Variants in PRKG1 observed in about 807,000 individuals in gnomAD.
PRKG1 encodes the protein cGMP-dependent protein kinase 1.
In PRKG1, 35 loss-of-function variants were observed where a neutral mutation model predicts 88.1. That is an observed-to-expected ratio of 0.40 (90% confidence interval 0.30 to 0.53). PRKG1 has a LOEUF of 0.53. Ranked by LOEUF, PRKG1 falls within the 20% of genes least tolerant of loss-of-function variation. PRKG1 has a pLI of 0.59. For synonymous variants in PRKG1, 303 were observed against 292.5 expected, an observed-to-expected ratio of 1.04 and a Z score of -0.37; for missense variants, 540 against 839.8, an observed-to-expected ratio of 0.64 and a Z score of 4.41.
chr10:51,661,208 T>C (rs556229051), intron 3 of PRKG1, among the ~76,000 whole-genome samples: 1 of 152,134 alleles, frequency 6.6e-6, no homozygotes, highest in Non-Finnish European at 1.5e-5. Context: ...CAAGGATGGA[T>C]AGCAAGATGA....
At chr10:51,656,242 C>T (rs1486269340) in intron 3 of PRKG1, among the ~76,000 whole-genome samples, 2 of 152,094 alleles carry the variant, frequency 1.3e-5, no homozygotes, top group African/African-American at 4.8e-5. Context: ...TACCAAAATA[C>T]AGTTGTATGA....
intron 9 of PRKG1, among the ~76,000 whole-genome samples, chr10:52,166,333 A>T (rs1298420575): frequency 6.6e-6 from 1 of 151,934 alleles, no homozygotes; most frequent in East Asian, 1.9e-4. Context: ...CTTACAGTTC[A>T]GTAGGGAAGC....
intron 2 of PRKG1, among the ~76,000 whole-genome samples, chr10:51,231,901 A>C (rs1224566136): frequency 6.6e-6 from 1 of 152,184 alleles, no homozygotes; most frequent in African/African-American, 2.4e-5. Flanking sequence ...AGGTTTTCAC[A>C]CTGTTTAACA....
At chr10:51,708,301 C>G (rs1224046234) in intron 3 of PRKG1, among the ~76,000 whole-genome samples, 1 of 152,098 alleles carries the variant, frequency 6.6e-6, no homozygotes, top group Non-Finnish European at 1.5e-5. Flanking sequence ...GGGGTCCACA[C>G]GTATGACCTC....
At chr10:52,009,667 A>C (rs1387951942) in intron 5 of PRKG1, among the ~76,000 whole-genome samples, 1 of 152,212 alleles carries the variant, frequency 6.6e-6, no homozygotes, top group African/African-American at 2.4e-5. Context: ...GAATTAGAAA[A>C]ACTATTTTAA....
chr10:52,062,650 A>G lies in PRKG1; in HGVS notation c.935+19A>G. The G allele has an allele frequency of 6.4e-7, 1 of 1,555,130 alleles. No individual in the cohort carries two copies. Among genetic ancestry groups the G allele is most frequent in the Non-Finnish European group, 8.8e-7 (1 of 1,139,710 alleles). On this transcript the variant is annotated intron_variant, in intron 7 of 17. Coordinates refer to ENST00000373980, the MANE Select transcript of PRKG1 (RefSeq NM_006258.4). ...TGCAGGGGTAAGTAGATCATGTGTT[A>G]TACAGGTTTTTGTTTGAGTGCTACA...
chr10:52,265,963 G>A (rs1333865340), intron 10 of PRKG1, among the ~76,000 whole-genome samples: 1 of 151,940 alleles, frequency 6.6e-6, no homozygotes, highest in Non-Finnish European at 1.5e-5. Flanking sequence ...TGAAGATCTT[G>A]AGTATTGAAA....
At chr10:51,413,914 C>T (rs1210627560) in intron 2 of PRKG1, among the ~76,000 whole-genome samples, 2 of 152,084 alleles carry the variant, frequency 1.3e-5, no homozygotes, top group Non-Finnish European at 2.9e-5. Context: ...CAAACCCTTC[C>T]ACAAAGGGAC....
chr10:52,200,743 G>A (rs899335640), intron 9 of PRKG1, among the ~76,000 whole-genome samples: 2 of 152,098 alleles, frequency 1.3e-5, no homozygotes, highest in Non-Finnish European at 2.9e-5. Context: ...TTTAGTAATA[G>A]CCATTCTGAC....
intron 8 of PRKG1, among the ~76,000 whole-genome samples, chr10:52,150,161 T>TATAAC (rs1564490897): frequency 1.1e-5 from 1 of 89,162 alleles, no homozygotes; most frequent in Non-Finnish European, 2.8e-5. Flanking sequence ...ATAATAATAA[T>TATAAC]AATAATAATA....
chr10:51,044,191 T>C (rs1843459500), intron 1 of PRKG1, among the ~76,000 whole-genome samples: 2 of 152,166 alleles, frequency 1.3e-5, no homozygotes, highest in South Asian at 4.1e-4. Flanking sequence ...TTTTTTTCCG[T>C]AGTTCTGGAT....
intron 1 of PRKG1, among the ~76,000 whole-genome samples, chr10:51,036,241 C>A (rs569830378): frequency 6.6e-6 from 1 of 152,212 alleles, no homozygotes; most frequent in Non-Finnish European, 1.5e-5. Context: ...AAAAAAGAGA[C>A]CCTATGTATT....
At chr10:52,197,642 C>T in intron 9 of PRKG1, among the ~76,000 whole-genome samples, 1 of 152,236 alleles carries the variant, frequency 6.6e-6, no homozygotes, top group Non-Finnish European at 1.5e-5. Context: ...CGAATAGCAG[C>T]GTGGTCACAC....
At chr10:51,916,705 CA>C (rs1317409383) in intron 5 of PRKG1, among the ~76,000 whole-genome samples, 1 of 152,130 alleles carries the variant, frequency 6.6e-6, no homozygotes, top group Non-Finnish European at 1.5e-5. Flanking sequence ...CATGTCTATA[CA>C]AAAACTTACA....
chr10:51,067,270 G>GTATATATATATATATATA (rs10612353), intron 1 of PRKG1, among the ~76,000 whole-genome samples: 17 of 146,710 alleles, frequency 1.2e-4, no homozygotes, highest in African/African-American at 4.2e-4. Flanking sequence ...ATGTATGTGT[G>GTATATATATATATATATA]TATATATATA....
intron 3 of PRKG1, among the ~76,000 whole-genome samples, chr10:51,572,550 A>G (rs1381358544): frequency 1.3e-5 from 2 of 151,900 alleles, no homozygotes; most frequent in Non-Finnish European, 2.9e-5. Context: ...CACACAATGG[A>G]TTAATTCAGT....
intron 3 of PRKG1, among the ~76,000 whole-genome samples, chr10:51,705,657 TATATA>T (rs1049108401): frequency 1.2e-4 from 19 of 152,330 alleles, no homozygotes; most frequent in African/African-American, 4.6e-4. Flanking sequence ...ATAAATGCTT[TATATA>T]ATATAATATT....
At chr10:51,897,772 C>A (rs574074909) in intron 4 of PRKG1, among the ~76,000 whole-genome samples, 4 of 152,116 alleles carry the variant, frequency 2.6e-5, no homozygotes, top group Non-Finnish European at 4.4e-5. Flanking sequence ...TGCTGTCCAG[C>A]CCTCCATCCT....
Position 51,116,661 on chromosome 10 carries a change from T to C in PRKG1, c.312-36503T>C, listed in dbSNP as rs750529603. ...GATTTGGAGGAGGAAAGGCAGGAACTGGTGGGATGATGGTAGGAAGCATTT... is the reference window on the plus strand; with the variant it reads ...GATTTGGAGGAGGAAAGGCAGGAACCGGTGGGATGATGGTAGGAAGCATTT... On this transcript the variant is annotated intron_variant, in intron 1 of 17. Transcript: ENST00000373980. Among the ~76,000 whole-genome samples, 34 of 152,154 alleles carry C rather than the reference T, an allele frequency of 2.2e-4. 1 individual carries two copies. The highest frequency in any genetic ancestry group is 2.0e-3 in the Admixed American group (30 of 15,276).
Sources: gnomAD v4.1 joint callset for allele counts (sites outside exome capture counted in the v4.1 genomes callset) on GRCh38, gnomAD v4.1.1 for gene constraint, MANE v1.5 for transcripts, NCBI Gene and HGNC (gene_info 2026-07-23, HGNC 2026-07-21) for gene names.